Variants in DLC1 observed in about 807,000 individuals in gnomAD.
DLC1 encodes the protein rho GTPase-activating protein 7.
In DLC1, 54 loss-of-function variants were observed where a neutral mutation model predicts 140.3. That is an observed-to-expected ratio of 0.38 (90% confidence interval 0.31 to 0.48). The LOEUF is 0.48. DLC1 is among the 20% of genes least tolerant of loss of function. The probability of loss-of-function intolerance (pLI) is 0.96; values close to 1 mark genes in which losing one functional copy is unlikely to be tolerated. For synonymous variants in DLC1, 986 were observed against 728.1 expected (o/e 1.35, Z -5.70); for missense variants, 2,536 against 1,907.0 (o/e 1.33, Z -6.14).
intron 1 of DLC1, among the ~76,000 whole-genome samples, chr8:13,540,575 T>C (rs1371363110): frequency 6.6e-6 from 1 of 152,212 alleles, no homozygotes; most frequent in Non-Finnish European, 1.5e-5. Flanking sequence ...ACTGTAGGCT[T>C]TGGTTATATC....
At chr8:13,252,146 T>A (rs1365663425) in intron 5 of DLC1, among the ~76,000 whole-genome samples, 1 of 152,180 alleles carries the variant, frequency 6.6e-6, no homozygotes, top group Non-Finnish European at 1.5e-5. Context: ...CTAAGTAACA[T>A]TTTGATTAAA....
intron 3 of DLC1, among the ~76,000 whole-genome samples, chr8:13,400,872 T>C (rs1460357514): frequency 1.3e-5 from 2 of 152,180 alleles, no homozygotes; most frequent in South Asian, 2.1e-4. Flanking sequence ...TCTTCCAAAT[T>C]TTGAGTGTTG....
At chr8:13,533,458 G>A in intron 1 of DLC1, among the ~76,000 whole-genome samples, 1 of 151,886 alleles carries the variant, frequency 6.6e-6, no homozygotes. Flanking sequence ...TGAGTGGGAG[G>A]GACTCAATAT....
chr8:13,366,878 A>G (rs1835506838), intron 4 of DLC1, among the ~76,000 whole-genome samples: 1 of 151,808 alleles, frequency 6.6e-6, no homozygotes, highest in South Asian at 2.1e-4. Flanking sequence ...TCTCCCACAC[A>G]CACTCATCTC....
chr8:13,110,664 A>C (rs1820013949), intron 7 of DLC1, 78 bp downstream of exon 7: 1 of 1,380,616 alleles, frequency 7.2e-7, no homozygotes, highest in East Asian at 2.3e-5. Context: ...GAACAAAAGC[A>C]AACAAAGCCT....
intron 1 of DLC1, among the ~76,000 whole-genome samples, chr8:13,504,554 C>G (rs1445030638): frequency 6.6e-6 from 1 of 152,098 alleles, no homozygotes; most frequent in Admixed American, 6.5e-5. Context: ...GAACAATAGA[C>G]CACGTAAGAA....
At chr8:13,257,277 A>C (rs1350886598) in intron 5 of DLC1, among the ~76,000 whole-genome samples, 2 of 151,950 alleles carry the variant, frequency 1.3e-5, no homozygotes, top group African/African-American at 4.8e-5. Flanking sequence ...CTCTACAAAA[A>C]AGTTAAAAAA....
intron 2 of DLC1, among the ~76,000 whole-genome samples, chr8:13,430,897 A>G (rs1042856418): frequency 6.6e-6 from 1 of 152,238 alleles, no homozygotes; most frequent in Non-Finnish European, 1.5e-5. Context: ...TATTCACAAT[A>G]CATTTTGAAG....
At chr8:13,557,823 T>A (rs1056388852) in intron 1 of DLC1, 1 of 152,124 alleles carries the variant, frequency 6.6e-6, no homozygotes, top group Non-Finnish European at 1.5e-5. Context: ...GTGTGTTAGA[T>A]CCAGGTGTCT....
intron 5 of DLC1, among the ~76,000 whole-genome samples, chr8:13,251,167 A>C (rs766204074): frequency 1.3e-5 from 2 of 152,098 alleles, no homozygotes; most frequent in African/African-American, 2.4e-5. Flanking sequence ...TTGTGAGGAC[A>C]CTATTCTTAT....
chr8:13,476,675 T>G (rs1800449825), intron 2 of DLC1, among the ~76,000 whole-genome samples: 1 of 152,168 alleles, frequency 6.6e-6, no homozygotes, highest in African/African-American at 2.4e-5. Flanking sequence ...TTATAAGTTT[T>G]TATTCTTAGT....
chr8:13,208,140 T>C (rs1372459584), intron 5 of DLC1, among the ~76,000 whole-genome samples: 1 of 152,184 alleles, frequency 6.6e-6, no homozygotes, highest in East Asian at 1.9e-4. Flanking sequence ...TGTATATATC[T>C]TTAAGGCTGG....
intron 2 of DLC1, among the ~76,000 whole-genome samples, chr8:13,482,695 C>T (rs546835153): frequency 5.5e-4 from 84 of 152,168 alleles, no homozygotes; most frequent in Admixed American, 9.2e-4. Flanking sequence ...CGTGATTACG[C>T]GATTTAATTG....
chr8:13,587,076 T>TAACACA (rs1805345265), intron 1 of DLC1, among the ~76,000 whole-genome samples: 5 of 64,148 alleles, frequency 7.8e-5, no homozygotes, highest in Admixed American at 3.3e-4. Flanking sequence ...GGAAAATAGT[T>TAACACA]TACACACACA....
intron 2 of DLC1, among the ~76,000 whole-genome samples, chr8:13,461,725 A>G (rs1469575709): frequency 6.6e-6 from 1 of 152,186 alleles, no homozygotes; most frequent in African/African-American, 2.4e-5. Context: ...TCTACAGGAT[A>G]GGGAACAGAT....
At chr8:13,114,970 C>T (rs941154897) in intron 6 of DLC1, among the ~76,000 whole-genome samples, 3 of 152,070 alleles carry the variant, frequency 2.0e-5, no homozygotes, top group East Asian at 1.9e-4. Context: ...AATTCTGTTC[C>T]TAGGGATAGA....
intron 2 of DLC1, among the ~76,000 whole-genome samples, chr8:13,416,303 A>G (rs1011624769): frequency 6.6e-6 from 1 of 152,240 alleles, no homozygotes; most frequent in South Asian, 2.1e-4. Flanking sequence ...AGTATCACCA[A>G]TGAAAACAAT....
At chr8:13,292,836 T>G (rs937280021) in intron 5 of DLC1, among the ~76,000 whole-genome samples, 1 of 152,194 alleles carries the variant, frequency 6.6e-6, no homozygotes, top group African/African-American at 2.4e-5. Context: ...AATGTTTATT[T>G]AAACATGAGG....
intron 1 of DLC1, among the ~76,000 whole-genome samples, chr8:13,528,539 A>T (rs1248484653): frequency 6.6e-6 from 1 of 152,112 alleles, no homozygotes; most frequent in Non-Finnish European, 1.5e-5. Context: ...CTACCAAAAT[A>T]ATCCTATTGC....
Sources: allele counts gnomAD v4.1 joint callset (sites outside exome capture counted in the v4.1 genomes callset), GRCh38; gene constraint gnomAD v4.1.1; transcripts MANE v1.5; gene names NCBI Gene and HGNC (gene_info 2026-07-23, HGNC 2026-07-21).